Variants in PIEZO2 observed in about 807,000 individuals in gnomAD.
PIEZO2 encodes piezo-type mechanosensitive ion channel component 2.
Under a neutral mutation model 337.3 loss-of-function variants are expected in PIEZO2, and 172 were observed. That is an observed-to-expected ratio of 0.51 (90% CI 0.45 to 0.58). The LOEUF is 0.58. Among genes scored for constraint, PIEZO2 ranks in the 20% least tolerant of loss-of-function variants. The pLI is 0.00. For missense variants in PIEZO2, 3,028 were observed against 3,391.3 expected, an observed-to-expected ratio of 0.89 and a Z score of 2.66; for synonymous variants, 1,251 against 1,228.5, an observed-to-expected ratio of 1.02 and a Z score of -0.38.
intron 2 of PIEZO2, among the ~76,000 whole-genome samples, chr18:11,039,437 GT>G (rs1357207349): frequency 1.3e-5 from 2 of 152,138 alleles, no homozygotes; most frequent in Non-Finnish European, 2.9e-5. Context: ...TTTGGCGAAT[GT>G]TTTTATTATG....
chr18:10,811,459 A>G (rs943028291), intron 7 of PIEZO2, among the ~76,000 whole-genome samples: 7 of 152,178 alleles, frequency 4.6e-5, no homozygotes, highest in Non-Finnish European at 8.8e-5. Context: ...CACTAAGAGT[A>G]AGTAGGTGAT....
At chr18:11,030,851 A>G (rs971185451) in intron 2 of PIEZO2, among the ~76,000 whole-genome samples, 29 of 152,214 alleles carry the variant, frequency 1.9e-4, no homozygotes, top group African/African-American at 7.0e-4. Flanking sequence ...GACAAAAAGC[A>G]TTTCACTTAA....
chr18:10,762,900 T>C (rs1451912449), intron 22 of PIEZO2, 22 bp downstream of exon 22: 2 of 1,533,738 alleles, frequency 1.3e-6, no homozygotes, highest in Non-Finnish European at 8.7e-7. Flanking sequence ...GTCAGGAATA[T>C]TCCCCCATCA....
At chr18:11,071,984 G>T (rs537019327) in intron 1 of PIEZO2, among the ~76,000 whole-genome samples, 2 of 151,756 alleles carry the variant, frequency 1.3e-5, no homozygotes, top group African/African-American at 4.8e-5. Flanking sequence ...TACATCACCT[G>T]CATCTGCCCT....
intron 33 of PIEZO2, chr18:10,737,882 G>A (rs910463042): frequency 5.9e-5 from 9 of 152,124 alleles, no homozygotes; most frequent in African/African-American, 2.2e-4. Flanking sequence ...CCTATACATT[G>A]TAAGGTAATG....
rs11468237 is a variant in PIEZO2 at position 10,787,201 on chromosome 18, GAA to G, written c.2170-19_2170-18del. ...ATAGTGCACCTGCAAATCAGACATT[GAA>G]AAAAAAAAATGAGAAAAAATCACTT... On this transcript the variant is annotated intron_variant, in intron 15 of 55. Transcript: ENST00000674853. 0.4 allele frequency: 540,011 copies of G among 1,352,062 alleles called. 101,255 individuals carry two copies. The highest frequency in any genetic ancestry group is 0.43 in the Non-Finnish European group (440,750 of 1,034,746). The allele number at this position is 1,352,062 out of a possible 1,614,324, so 83.8% of individuals were successfully genotyped here. A position where few individuals can be genotyped will look rare whatever the true frequency, so the allele number is the denominator to read the frequency against.
rs77088650 is a variant in PIEZO2, at chr18:10,715,135, T to C, written c.5257-205A>G. On this transcript the variant is annotated intron_variant, in intron 38 of 55. Transcript: ENST00000674853. ...GTAGATCTAAGTAAATGTCTTCTTATAGGTAGATAATTTTGCCAAATCATA... is the reference window on the plus strand; with the variant it reads ...GTAGATCTAAGTAAATGTCTTCTTACAGGTAGATAATTTTGCCAAATCATA... 0.039 allele frequency among the ~76,000 whole-genome samples: 5,989 copies of C among 152,342 alleles called. 198 individuals carry two copies. The highest frequency in any genetic ancestry group is 0.1 in the Admixed American group (1,532 of 15,304).
intron 8 of PIEZO2, among the ~76,000 whole-genome samples, 179 bp from the exon 9 acceptor site, chr18:10,804,173 G>C (rs1418312821): frequency 1.3e-5 from 2 of 152,218 alleles, no homozygotes; most frequent in Admixed American, 1.3e-4. Flanking sequence ...CCCTGTAATT[G>C]TAAGTACACC....
chr18:11,055,619 G>A (rs1031018504), intron 2 of PIEZO2, among the ~76,000 whole-genome samples: 3 of 152,020 alleles, frequency 2.0e-5, no homozygotes, highest in Non-Finnish European at 4.4e-5. Context: ...GTGACTCAGT[G>A]ACTATTTGTG....
chr18:10,692,963 A>G (rs975130767), intron 47 of PIEZO2, among the ~76,000 whole-genome samples: 5 of 152,134 alleles, frequency 3.3e-5, no homozygotes, highest in African/African-American at 1.2e-4. Context: ...GAGAAACTGC[A>G]TCTCCCCCAA....
intron 2 of PIEZO2, among the ~76,000 whole-genome samples, chr18:11,019,485 T>C (rs1046758023): frequency 1.3e-5 from 2 of 152,192 alleles, no homozygotes; most frequent in African/African-American, 4.8e-5. Context: ...GGTAAACTCA[T>C]CTCCAATTCT....
At position 10,781,138 on chromosome 18, in the gene PIEZO2, C is replaced by T. The variant is rs1011042042; in HGVS notation, c.2493-772G>A. Among the ~76,000 whole-genome samples, 3 of 151,744 alleles carry T rather than the reference C, an allele frequency of 2.0e-5. No homozygotes were observed. Among genetic ancestry groups the T allele is most frequent in the Admixed American group, 6.6e-5 (1 of 15,242 alleles). ...TTTCATTTCTCTATGCATAATAATA[C>T]TTTCTAAAACAAACCTGCATAAATT... On this transcript the variant is annotated intron_variant, in intron 17 of 55. Coordinates refer to ENST00000674853, the MANE Select transcript of PIEZO2 (RefSeq NM_001378183.1). The surrounding 1 kb of genome is among the most constrained non-coding windows in gnomAD (Gnocchi z 4.1).
At chr18:10,737,983 T>G (rs539857662) in intron 33 of PIEZO2, 1 of 152,226 alleles carries the variant, frequency 6.6e-6, no homozygotes, top group African/African-American at 2.4e-5. Flanking sequence ...CAGAAAAATC[T>G]GAAGCCTCCA....
At chr18:10,772,288 A>G (rs1488860047) in intron 20 of PIEZO2, among the ~76,000 whole-genome samples, 1 of 152,228 alleles carries the variant, frequency 6.6e-6, no homozygotes, top group Non-Finnish European at 1.5e-5. Context: ...AAAAAGGTGT[A>G]GGTAATAAAT....
chr18:10,740,508 TC>T (rs1268066716), intron 33 of PIEZO2: 1 of 153,510 alleles, frequency 6.5e-6, no homozygotes, highest in South Asian at 2.0e-4. Context: ...TTGCCAAAAA[TC>T]CTTAAATGCA....
chr18:10,762,457 A>C, intron 23 of PIEZO2, 43 bp downstream of exon 23: 1 of 1,527,458 alleles, frequency 6.5e-7, no homozygotes, highest in South Asian at 1.2e-5. Flanking sequence ...GAACTATTAT[A>C]TAACGGAGTG....
chr18:10,927,408 G>A (rs949307911), intron 3 of PIEZO2, among the ~76,000 whole-genome samples: 3 of 152,144 alleles, frequency 2.0e-5, no homozygotes, highest in East Asian at 3.9e-4. Flanking sequence ...AGCGCAGGCC[G>A]TGGGTGGGGG....
rs544476096 is a variant in PIEZO2, at chr18:11,024,778, A to G, written c.160+41349T>C. ...CTCAGCCTCCTGAGTAGCTGGGATT[A>G]TAGGCACCCGCCACCATACCTGGCT... On this transcript the variant is annotated intron_variant, in intron 2 of 55. Coordinates refer to ENST00000674853, the MANE Select transcript of PIEZO2 (RefSeq NM_001378183.1). 2.6e-4 allele frequency among the ~76,000 whole-genome samples: 39 copies of G among 151,718 alleles called. 1 individual carries two copies. The highest frequency in any genetic ancestry group is 8.7e-4 in the African/African-American group (36 of 41,408).
Position 10,859,936 on chromosome 18 carries a change from T to C in PIEZO2, c.493-2725A>G, listed in dbSNP as rs2041829402. ...TTGGAGTCTGTTTTGGAGGTTAGATTAGTAGGTGCAGCTAGGAAGTTTAAA... is the reference window on the plus strand; with the variant it reads ...TTGGAGTCTGTTTTGGAGGTTAGATCAGTAGGTGCAGCTAGGAAGTTTAAA... On this transcript the variant is annotated intron_variant, in intron 5 of 55. Coordinates refer to ENST00000674853, the MANE Select transcript of PIEZO2 (RefSeq NM_001378183.1). The surrounding 1 kb of genome is among the most constrained non-coding windows in gnomAD (Gnocchi z 4.9). Among the ~76,000 whole-genome samples the C allele has an allele frequency of 6.6e-6, 1 of 152,056 alleles. No individual in the cohort carries two copies. Among genetic ancestry groups the C allele is most frequent in the South Asian group, 2.1e-4 (1 of 4,814 alleles).
Sources: allele counts gnomAD v4.1 joint callset (sites outside exome capture counted in the v4.1 genomes callset), GRCh38; gene constraint gnomAD v4.1.1; non-coding constraint Gnocchi (gnomAD v3.1); transcripts MANE v1.5; gene names NCBI Gene and HGNC (gene_info 2026-07-23, HGNC 2026-07-21).